Variants in ARHGAP42 observed in about 807,000 individuals in gnomAD.
The protein encoded by ARHGAP42 is rho GTPase-activating protein 42.
In ARHGAP42, 63 loss-of-function variants were observed where a neutral mutation model predicts 125.0. The ratio of observed to expected loss-of-function variants is 0.50; its 90% CI spans 0.41 to 0.62. The LOEUF (loss-of-function observed/expected upper bound fraction) is 0.62. Among genes scored for constraint, ARHGAP42 ranks in the 20% least tolerant of loss-of-function variants. The pLI is 0.00. For missense variants in ARHGAP42, 766 were observed against 1,024.2 expected (o/e 0.75, Z 3.44); for synonymous variants, 339 against 351.0 (o/e 0.97, Z 0.38).
In ARHGAP42 at chr11:100,794,075, CAAAAAAAAAAAAAAA is replaced by C. The variant is rs869272420; in HGVS notation, c.251-1007_251-993del. 2.3e-3 allele frequency among the ~76,000 whole-genome samples: 105 copies of C among 44,840 alleles called. 1 individual carries two copies. The highest frequency in any genetic ancestry group is 2.7e-3 in the African/African-American group (38 of 14,294). 29.4% of individuals were successfully genotyped at this position (44,840 alleles called of 152,430 possible). The stretch of plus-strand genomic sequence containing the variant: ...CGAACAACAGAGCTAGACCCTGTCT[CAAAAAAAAAAAAAAA>C]AAAAAAAAAAAAAAAAAAAAAAGAC... On this transcript the variant is annotated intron_variant, in intron 2 of 23. Transcript: ENST00000298815.
At chr11:100,766,226 T>G (rs903738874) in intron 1 of ARHGAP42, among the ~76,000 whole-genome samples, 6 of 150,312 alleles carry the variant, frequency 4.0e-5, no homozygotes, top group South Asian at 4.3e-4. Flanking sequence ...ATGTGGGGTG[T>G]GTGTGTGTGT....
chr11:100,825,562 G>A (rs937458235), intron 3 of ARHGAP42, among the ~76,000 whole-genome samples: 1 of 152,144 alleles, frequency 6.6e-6, no homozygotes, highest in African/African-American at 2.4e-5. Flanking sequence ...TTGGATATTG[G>A]CATCTGGCTT....
chr11:100,822,429 T>C (rs1864424664), intron 3 of ARHGAP42, among the ~76,000 whole-genome samples: 1 of 152,142 alleles, frequency 6.6e-6, no homozygotes, highest in African/African-American at 2.4e-5. Context: ...CTTTCTATAA[T>C]AATAATACAT....
chr11:100,810,246 C>CTGGT (rs1422839707), intron 3 of ARHGAP42, among the ~76,000 whole-genome samples: 2 of 151,590 alleles, frequency 1.3e-5, no homozygotes, highest in African/African-American at 4.8e-5. Context: ...AAACAGAAAA[C>CTGGT]CAATCAATGA....
chr11:100,982,769 T>C (rs998797090), intron 22 of ARHGAP42, among the ~76,000 whole-genome samples: 5 of 152,198 alleles, frequency 3.3e-5, no homozygotes, highest in African/African-American at 1.2e-4. Flanking sequence ...GTTTCTATTA[T>C]CAAATTTTAA....
intron 4 of ARHGAP42, among the ~76,000 whole-genome samples, chr11:100,886,337 T>A (rs1466289971): frequency 6.6e-6 from 1 of 152,156 alleles, no homozygotes; most frequent in East Asian, 1.9e-4. Flanking sequence ...AATAAGTGTA[T>A]GAAAAAAAAT....
chr11:100,933,297 T>A, intron 7 of ARHGAP42, 37 bp downstream of exon 7: 2 of 1,404,966 alleles, frequency 1.4e-6, no homozygotes, highest in Middle Eastern at 1.8e-4. Context: ...TCTCAGCAAA[T>A]CTGCAAATCT....
At chr11:100,822,342 A>G (rs17652307) in intron 3 of ARHGAP42, among the ~76,000 whole-genome samples, 6,856 of 152,106 alleles carry the variant, frequency 0.045, 169 homozygotes, top group South Asian at 0.081. Flanking sequence ...TTAGTGTCCA[A>G]ATGAGTTTCT....
At chr11:100,697,989 G>A (rs1373303694) in intron 1 of ARHGAP42, among the ~76,000 whole-genome samples, 1 of 152,114 alleles carries the variant, frequency 6.6e-6, no homozygotes, top group Admixed American at 6.5e-5. Context: ...TGTAATACTA[G>A]AGAATCAAAA....
chr11:100,955,612 A>C (rs1857782727), intron 12 of ARHGAP42, among the ~76,000 whole-genome samples: 1 of 152,110 alleles, frequency 6.6e-6, no homozygotes, highest in Non-Finnish European at 1.5e-5. Context: ...CCAAGCATTG[A>C]GCCCAAATCA....
rs975684969 is a variant in ARHGAP42 at position 100,687,619 on chromosome 11, GC to G, written c.-55del. ...CCAGCGCCCGCCGCGGCCGCCGGCTGCCCCCGCCCTGACCTCCGGCCCGGAC... is the reference window on the plus strand; with the variant it reads ...CCAGCGCCCGCCGCGGCCGCCGGCTGCCCCGCCCTGACCTCCGGCCCGGAC... On this transcript the variant is annotated 5_prime_UTR_variant, in exon 1 of 24. Transcript: ENST00000298815. 40 of 1,214,850 alleles carry G rather than the reference GC, an allele frequency of 3.3e-5. No homozygotes were observed. Among genetic ancestry groups the G allele is most frequent in the Non-Finnish European group, 3.8e-5 (37 of 972,536 alleles). 75.3% of individuals were successfully genotyped at this position (1,214,850 alleles called of 1,614,324 possible). A position where few individuals can be genotyped will look rare whatever the true frequency, so the allele number is the denominator to read the frequency against.
At chr11:100,845,162 A>G (rs1865034418) in intron 3 of ARHGAP42, among the ~76,000 whole-genome samples, 1 of 149,172 alleles carries the variant, frequency 6.7e-6, no homozygotes, top group African/African-American at 2.6e-5. Flanking sequence ...ACAGTGGAAT[A>G]CTACTCAGCC....
chr11:100,851,430 A>G (rs1252920015), intron 3 of ARHGAP42, among the ~76,000 whole-genome samples: 4 of 152,318 alleles, frequency 2.6e-5, no homozygotes, highest in African/African-American at 7.2e-5. Flanking sequence ...TAATGACATC[A>G]TAGCTGCCTT....
Position 100,965,157 on chromosome 11 carries a change from C to T in ARHGAP42, c.1445-514C>T, listed in dbSNP as rs116795267. Among the ~76,000 whole-genome samples the T allele has an allele frequency of 2.0e-3, 306 of 152,204 alleles. 1 individual carries two copies. Among genetic ancestry groups the T allele is most frequent in the African/African-American group, 7.2e-3 (297 of 41,536 alleles). On this transcript the variant is annotated intron_variant, in intron 16 of 23. Coordinates refer to ENST00000298815, the MANE Select transcript of ARHGAP42 (RefSeq NM_152432.4). Reference sequence around the variant, plus strand: ...CTATCAAGAGAACAGCATAGGGTAACCGCCCAATGATTCCATTACCTCACC... The same window carrying T: ...CTATCAAGAGAACAGCATAGGGTAATCGCCCAATGATTCCATTACCTCACC...
rs373059302 is a variant in ARHGAP42, at chr11:100,837,666, CTTTT to C, written c.313-21860_313-21857del. On this transcript the variant is annotated intron_variant, in intron 3 of 23. Coordinates refer to ENST00000298815, the MANE Select transcript of ARHGAP42 (RefSeq NM_152432.4). The stretch of plus-strand genomic sequence containing the variant: ...CAGTTCCCAGAATCTAGGTGTCATC[CTTTT>C]TTTTTTTTTTTTTTTTTTTTTTTTT... 1.2e-3 allele frequency among the ~76,000 whole-genome samples: 75 copies of C among 61,024 alleles called. 1 individual carries two copies. Among genetic ancestry groups the C allele is most frequent in the South Asian group, 4.3e-3 (6 of 1,384 alleles). 40.0% of individuals were successfully genotyped at this position (61,024 alleles called of 152,430 possible). A position where few individuals can be genotyped will look rare whatever the true frequency, so the allele number is the denominator to read the frequency against.
At chr11:100,848,563 G>A (rs1261219413) in intron 3 of ARHGAP42, among the ~76,000 whole-genome samples, 1 of 151,718 alleles carries the variant, frequency 6.6e-6, no homozygotes, top group East Asian at 1.9e-4. Context: ...GAGTGCAGTG[G>A]CACAATCTCG....
At chr11:100,935,671 C>CAGAG (rs758546495) in intron 7 of ARHGAP42, among the ~76,000 whole-genome samples, 12 of 114,828 alleles carry the variant, frequency 1.0e-4, no homozygotes, top group East Asian at 2.3e-4. Context: ...CACACACACA[C>CAGAG]ACACACAGAG....
intron 12 of ARHGAP42, among the ~76,000 whole-genome samples, chr11:100,958,533 A>G (rs1857868095): frequency 6.6e-6 from 1 of 151,804 alleles, no homozygotes. Context: ...ACACACACAC[A>G]TATATATACA....
At chr11:100,945,517 A>G (rs1297537817) in intron 10 of ARHGAP42, among the ~76,000 whole-genome samples, 1 of 152,108 alleles carries the variant, frequency 6.6e-6, no homozygotes, top group African/African-American at 2.4e-5. Flanking sequence ...CTTAAATAAT[A>G]AGACTCAGAA....
Sources: allele counts gnomAD v4.1 joint callset (sites outside exome capture counted in the v4.1 genomes callset), GRCh38; gene constraint gnomAD v4.1.1; transcripts MANE v1.5; gene names NCBI Gene and HGNC (gene_info 2026-07-23, HGNC 2026-07-21).